The following EPS15 variants were observed in gnomAD, a reference collection of about 807,000 sequenced individuals.
EPS15 encodes epidermal growth factor receptor pathway substrate 15.
A neutral mutation model predicts 113.8 loss-of-function variants in EPS15; 72 were observed. The ratio of observed to expected loss-of-function variants is 0.63; its 90% confidence interval spans 0.52 to 0.77. EPS15 has a LOEUF of 0.77. Ranked by LOEUF, EPS15 falls within the 30% of genes least tolerant of loss-of-function variation. EPS15 has a pLI of 0.00. For synonymous variants in EPS15, 344 were observed against 363.4 expected, an observed-to-expected ratio of 0.95 and a Z score of 0.61; for missense variants, 1,048 against 1,045.8, an observed-to-expected ratio of 1.00 and a Z score of -0.03.
At chr1:51,408,032 G>A (rs1649295597) in intron 15 of EPS15, 103 bp downstream of exon 15, 4 of 985,996 alleles carry the variant, frequency 4.1e-6, no homozygotes, top group Non-Finnish European at 6.5e-6. Context: ...AAAATGAACA[G>A]TAAACTAGGC....
At chr1:51,396,620 CAT>C (rs1319731129) in intron 20 of EPS15, among the ~76,000 whole-genome samples, 1 of 152,088 alleles carries the variant, frequency 6.6e-6, no homozygotes, top group Non-Finnish European at 1.5e-5. Context: ...GGCATAACCA[CAT>C]GTGTGTCAGG....
intron 21 of EPS15, among the ~76,000 whole-genome samples, chr1:51,370,567 T>C (rs1646622334): frequency 6.6e-6 from 1 of 152,086 alleles, no homozygotes; most frequent in Non-Finnish European, 1.5e-5. Context: ...CTGGTTTACA[T>C]ATTTACTATA....
intron 21 of EPS15, among the ~76,000 whole-genome samples, chr1:51,368,011 A>T (rs1307326341): frequency 6.6e-6 from 1 of 152,224 alleles, no homozygotes; most frequent in Non-Finnish European, 1.5e-5. Flanking sequence ...ACACGCCTGT[A>T]ATCTCAGCTA....
At chr1:51,364,514 T>A (rs890824272) in intron 22 of EPS15, among the ~76,000 whole-genome samples, 7 of 151,778 alleles carry the variant, frequency 4.6e-5, no homozygotes, top group South Asian at 2.1e-4. Flanking sequence ...TTTTTTTTTT[T>A]AATTTAAAAG....
At chr1:51,409,743 G>C in intron 13 of EPS15, 47 bp from the exon 14 acceptor site, 1 of 1,362,154 alleles carries the variant, frequency 7.3e-7, no homozygotes, top group African/African-American at 1.5e-5. Context: ...GCGGGCAGGG[G>C]AGGGTTAAGT....
chr1:51,451,140 T>A (rs779899196), intron 8 of EPS15, among the ~76,000 whole-genome samples: 2 of 151,914 alleles, frequency 1.3e-5, no homozygotes, highest in African/African-American at 2.4e-5. Context: ...TAGTGGGTTA[T>A]CTTTTGTGGT....
intron 11 of EPS15, among the ~76,000 whole-genome samples, chr1:51,443,018 T>A (rs1227919259): frequency 6.6e-6 from 1 of 152,114 alleles, no homozygotes; most frequent in Non-Finnish European, 1.5e-5. Context: ...GATAAAACAA[T>A]GCAAGTTTTC....
chr1:51,425,020 GGAAAT>G (rs1651084500), intron 12 of EPS15, among the ~76,000 whole-genome samples: 3 of 152,118 alleles, frequency 2.0e-5, no homozygotes. Context: ...TCCAGAAAAG[GGAAAT>G]GAAATGATCC....
At chr1:51,463,916 A>G in intron 6 of EPS15, 118 bp from the exon 7 acceptor site, 1 of 497,654 alleles carries the variant, frequency 2.0e-6, no homozygotes, top group East Asian at 3.1e-5. Context: ...CATTTAAAAA[A>G]CATTTTTCAC....
chr1:51,508,338 GAGAAAGAAAGAAAGAAAGAA>G (rs369528436), intron 1 of EPS15, among the ~76,000 whole-genome samples: 21 of 122,334 alleles, frequency 1.7e-4, no homozygotes, highest in South Asian at 5.4e-4. Flanking sequence ...AAGAGAAAGA[GAGAAAGAAAGAAAGAAAGAA>G]AGAAAGAAAG....
intron 11 of EPS15, among the ~76,000 whole-genome samples, chr1:51,442,607 T>C (rs1221862191): frequency 2.6e-5 from 4 of 152,180 alleles, no homozygotes; most frequent in African/African-American, 9.6e-5. Flanking sequence ...TCTTGTGCAT[T>C]ACACAAAAAT....
At chr1:51,368,832 A>C (rs776092778) in intron 21 of EPS15, among the ~76,000 whole-genome samples, 29 of 151,956 alleles carry the variant, frequency 1.9e-4, no homozygotes, top group Non-Finnish European at 3.5e-4. Flanking sequence ...CAAACCTCTG[A>C]CCTCAAGCAA....
intron 14 of EPS15, 134 bp downstream of exon 14, chr1:51,409,401 C>G: frequency 1.4e-6 from 1 of 728,470 alleles, no homozygotes; most frequent in Non-Finnish European, 2.2e-6. Context: ...TGCTCCATCG[C>G]CCCCATGAAC....
intron 21 of EPS15, chr1:51,373,341 CTT>C (rs1245607968): frequency 3.3e-5 from 5 of 152,524 alleles, no homozygotes; most frequent in African/African-American, 1.2e-4. Context: ...TCGGGTCACT[CTT>C]GAATGGATAG....
At chr1:51,416,718 C>A (rs957482080) in intron 13 of EPS15, among the ~76,000 whole-genome samples, 1 of 151,944 alleles carries the variant, frequency 6.6e-6, no homozygotes, top group Non-Finnish European at 1.5e-5. Flanking sequence ...GTCAGATGTA[C>A]AACTGATGAA....
chr1:51,357,422 ATATATTT>A (rs1323482982), intron 24 of EPS15, among the ~76,000 whole-genome samples: 14 of 71,054 alleles, frequency 2.0e-4, no homozygotes, highest in South Asian at 9.2e-4. Flanking sequence ...ATATATATAT[ATATATTT>A]TTTTTTTTTA....
intron 6 of EPS15, 103 bp downstream of exon 6, chr1:51,465,158 C>T (rs982176695): frequency 4.6e-6 from 3 of 654,504 alleles, no homozygotes; most frequent in Admixed American, 3.0e-5. Context: ...TTTCCCTAAA[C>T]ATGTATGAAA....
intron 20 of EPS15, among the ~76,000 whole-genome samples, chr1:51,398,313 A>G (rs1648170594): frequency 6.6e-6 from 1 of 152,138 alleles, no homozygotes; most frequent in African/African-American, 2.4e-5. Context: ...TCAGCCTCCC[A>G]AAGTGCTGGG....
chr1:51,481,206 C>T, intron 2 of EPS15, 67 bp downstream of exon 2: 1 of 814,946 alleles, frequency 1.2e-6, no homozygotes. Context: ...AATCTACAGG[C>T]ATACAATCAA....
Sources: gnomAD v4.1 joint callset for allele counts (sites outside exome capture counted in the v4.1 genomes callset) on GRCh38, gnomAD v4.1.1 for gene constraint, MANE v1.5 for transcripts, NCBI Gene and HGNC (gene_info 2026-07-23, HGNC 2026-07-21) for gene names.